The following DIP2A variants were observed in gnomAD, a reference collection of about 807,000 sequenced individuals.
DIP2A encodes disco-interacting protein 2 homolog A.
DIP2A carries 85 observed loss-of-function variants against 177.4 expected under a neutral mutation model. The observed-to-expected ratio is 0.48, with a 90% CI of 0.40 to 0.57. DIP2A has a LOEUF of 0.57. Ranked by LOEUF, DIP2A falls within the 20% of genes least tolerant of loss-of-function variation. The pLI is 0.00. For missense variants in DIP2A, 1,791 were observed against 2,100.2 expected, an observed-to-expected ratio of 0.85 and a Z score of 2.88; for synonymous variants, 886 against 881.8, an observed-to-expected ratio of 1.00 and a Z score of -0.08.
At position 46,459,057 on chromosome 21, in the gene DIP2A, G is replaced by C; in HGVS notation, c.-75G>C. The C allele has an allele frequency of 8.0e-7, 1 of 1,254,960 alleles. No homozygotes were observed. Among genetic ancestry groups the C allele is most frequent in the Non-Finnish European group, 1.0e-6 (1 of 957,382 alleles). The allele number at this position is 1,254,960 out of a possible 1,614,324, so 77.7% of individuals were successfully genotyped here. The stretch of plus-strand genomic sequence containing the variant: ...AGGTTGTTGGCCTGAGGGGAGCTAC[G>C]TAGCCGAGGTTTGCGCTGCCGCCGC... On this transcript the variant is annotated 5_prime_UTR_variant, in exon 1 of 38. Transcript: ENST00000417564.
chr21:46,548,147 GC>G (rs2060130609), intron 21 of DIP2A, among the ~76,000 whole-genome samples: 1 of 152,070 alleles, frequency 6.6e-6, no homozygotes, highest in Admixed American at 6.5e-5. Flanking sequence ...TGCTCAGGGG[GC>G]TGGGAAGGGC....
intron 7 of DIP2A, among the ~76,000 whole-genome samples, chr21:46,511,200 T>C (rs1223050690): frequency 6.6e-6 from 1 of 152,158 alleles, no homozygotes; most frequent in African/African-American, 2.4e-5. Flanking sequence ...GTGGGTTGTT[T>C]TTAACTTTAT....
At chr21:46,528,451 T>C (rs2059200285) in intron 8 of DIP2A, among the ~76,000 whole-genome samples, 1 of 150,896 alleles carries the variant, frequency 6.6e-6, no homozygotes, top group African/African-American at 2.4e-5. Context: ...TACGTGTTTA[T>C]ATGTGTATAG....
chr21:46,510,067 G>A (rs2058231573), intron 7 of DIP2A, among the ~76,000 whole-genome samples: 1 of 152,214 alleles, frequency 6.6e-6, no homozygotes, highest in African/African-American at 2.4e-5. Flanking sequence ...TACATATAAA[G>A]GGAAGTTCAT....
chr21:46,532,733 C>T (rs764131258), intron 10 of DIP2A, among the ~76,000 whole-genome samples: 11 of 151,922 alleles, frequency 7.2e-5, no homozygotes, highest in Non-Finnish European at 1.3e-4. Context: ...CTTATATGAC[C>T]GTAGGCAGTT....
At chr21:46,509,496 T>G in intron 7 of DIP2A, 120 bp downstream of exon 7, 1 of 1,240,216 alleles carries the variant, frequency 8.1e-7, no homozygotes, top group East Asian at 2.8e-5. Context: ...GTTTCCAGAC[T>G]CAGTGGTCAC....
At chr21:46,514,296 C>T (rs1430106988) in intron 8 of DIP2A, among the ~76,000 whole-genome samples, 7 of 151,828 alleles carry the variant, frequency 4.6e-5, no homozygotes, top group Admixed American at 3.3e-4. Flanking sequence ...ATTAGCCGGG[C>T]GTGGTGGTGG....
intron 7 of DIP2A, among the ~76,000 whole-genome samples, chr21:46,509,863 C>T (rs977345976): frequency 4.6e-5 from 7 of 152,084 alleles, no homozygotes; most frequent in Non-Finnish European, 7.3e-5. Flanking sequence ...GTTAGGGCCA[C>T]AGGGGCCCCA....
intron 1 of DIP2A, among the ~76,000 whole-genome samples, chr21:46,477,571 T>TGTGTGTGTGTGTG (rs762054063): frequency 0.16 from 10,447 of 65,462 alleles, 729 homozygotes; most frequent in East Asian, 0.28. Flanking sequence ...GTGTGTGTAT[T>TGTGTGTGTGTGTG]TCTTTTTTTT....
intron 8 of DIP2A, among the ~76,000 whole-genome samples, chr21:46,521,212 G>A (rs991633841): frequency 2.0e-5 from 3 of 151,522 alleles, no homozygotes; most frequent in South Asian, 4.2e-4. Flanking sequence ...TTCCTGAGAC[G>A]GAGTCTCACT....
chr21:46,576,304 GTGT>G, the DIP2A span, among the ~76,000 whole-genome samples: 2 of 152,042 alleles, frequency 1.3e-5, no homozygotes, highest in African/African-American at 4.8e-5. Context: ...GCCCCAGTGT[GTGT>G]TGTTCCCCTC....
intron 8 of DIP2A, among the ~76,000 whole-genome samples, chr21:46,515,484 G>A (rs1335047837): frequency 6.6e-6 from 1 of 150,782 alleles, no homozygotes; most frequent in East Asian, 1.9e-4. Flanking sequence ...TCCTTGGCTT[G>A]CAGTTTAAGT....
chr21:46,493,009 A>T (rs190415832), intron 3 of DIP2A, among the ~76,000 whole-genome samples: 2 of 152,104 alleles, frequency 1.3e-5, no homozygotes, highest in Non-Finnish European at 2.9e-5. Flanking sequence ...TATGAGTACA[A>T]TGGTTAGAAG....
At chr21:46,562,207 C>G (rs900767176) in intron 34 of DIP2A, among the ~76,000 whole-genome samples, 1 of 152,154 alleles carries the variant, frequency 6.6e-6, no homozygotes, top group Non-Finnish European at 1.5e-5. Flanking sequence ...AGGGTGTCAG[C>G]AGGGAAGAGG....
At chr21:46,542,573 T>A (rs1435869869) in intron 18 of DIP2A, among the ~76,000 whole-genome samples, 1 of 152,246 alleles carries the variant, frequency 6.6e-6, no homozygotes, top group East Asian at 1.9e-4. Context: ...GTTGGAGGTT[T>A]TCCTTGCTGG....
chr21:46,519,207 T>A (rs1447043806), intron 8 of DIP2A, among the ~76,000 whole-genome samples: 1 of 152,198 alleles, frequency 6.6e-6, no homozygotes, highest in African/African-American at 2.4e-5. Context: ...TCACTTACAT[T>A]GCCATCTTCA....
At chr21:46,577,886 T>C in the DIP2A span, among the ~76,000 whole-genome samples, 1 of 152,218 alleles carries the variant, frequency 6.6e-6, no homozygotes, top group Non-Finnish European at 1.5e-5. Context: ...TTTTATTCTC[T>C]TTGTAGCAAT....
At chr21:46,509,410 G>C (rs1350155023) in intron 7 of DIP2A, 34 bp downstream of exon 7, 1 of 1,583,658 alleles carries the variant, frequency 6.3e-7, no homozygotes, top group Non-Finnish European at 8.6e-7. Flanking sequence ...TTTTCTGTTT[G>C]TATGAAAAGG....
chr21:46,562,090 CTGGGGCCAG>C (rs991494945), intron 34 of DIP2A, among the ~76,000 whole-genome samples: 7 of 152,300 alleles, frequency 4.6e-5, no homozygotes, highest in Admixed American at 3.9e-4. Flanking sequence ...CCTCAGGCCT[CTGGGGCCAG>C]GGCCATGGAG....
Sources: gnomAD v4.1 joint callset for allele counts (sites outside exome capture counted in the v4.1 genomes callset) on GRCh38, gnomAD v4.1.1 for gene constraint, MANE v1.5 for transcripts, NCBI Gene and HGNC (gene_info 2026-07-23, HGNC 2026-07-21) for gene names.